Variants in UNC79 observed in about 807,000 individuals in gnomAD.
The protein encoded by UNC79 is protein unc-79 homolog.
UNC79 carries 37 observed loss-of-function variants against 283.1 expected under a neutral mutation model. That is an observed-to-expected ratio of 0.13 (90% CI 0.10 to 0.17). The LOEUF is 0.17. Ranked by LOEUF, UNC79 falls within the 10% of genes least tolerant of loss-of-function variation. The pLI is 1.00. For synonymous variants in UNC79, 1,107 were observed against 1,200.2 expected, an observed-to-expected ratio of 0.92 and a Z score of 1.61; for missense variants, 2,272 against 3,211.1, an observed-to-expected ratio of 0.71 and a Z score of 7.07.
intron 1 of UNC79, among the ~76,000 whole-genome samples, chr14:93,356,026 CTTTTT>C (rs56265512): frequency 1.6e-5 from 2 of 122,520 alleles, no homozygotes; most frequent in East Asian, 2.2e-4. Context: ...TACTAGTGTA[CTTTTT>C]TTTTTTTTTT....
intron 1 of UNC79, among the ~76,000 whole-genome samples, chr14:93,360,084 C>T (rs776027860): frequency 6.6e-6 from 1 of 152,114 alleles, no homozygotes; most frequent in South Asian, 2.1e-4. Context: ...GTCAAACTTA[C>T]AGTGGGTCCA....
At chr14:93,594,430 A>G (rs2064912128) in intron 23 of UNC79, among the ~76,000 whole-genome samples, 1 of 151,992 alleles carries the variant, frequency 6.6e-6, no homozygotes, top group Admixed American at 6.6e-5. Context: ...CTACTACACC[A>G]GGCTAATTTT....
chr14:93,367,223 C>T (rs565421141), intron 1 of UNC79, among the ~76,000 whole-genome samples: 16 of 152,080 alleles, frequency 1.1e-4, no homozygotes, highest in African/African-American at 3.1e-4. Context: ...AATCTAAGGA[C>T]GAGGAAGAAA....
rs1033536491 is a variant in UNC79, at chr14:93,586,713, G to A, written c.2883+38G>A. ...ATGTCTTTGAATACTTGGCTTGGTA[G>A]CATTACTGTTTTGGATAACTTAGTA... is the stretch of plus-strand genomic sequence containing the variant. On this transcript the variant is annotated intron_variant, in intron 21 of 48. Coordinates refer to ENST00000555664, the Ensembl canonical transcript of UNC79. The A allele has an allele frequency of 6.2e-6, 10 of 1,613,128 alleles. No homozygotes were observed. In the African/African-American group the frequency reaches 8.0e-5, roughly 13 times the overall value.
Position 93,467,679 on chromosome 14 carries a change from A to T in UNC79, c.31A>T (p.Lys11Ter). 2.1e-6 allele frequency: 1 copy of T among 473,178 alleles called. No individual in the cohort carries two copies. Among genetic ancestry groups the T allele is most frequent in the Non-Finnish European group, 2.7e-6 (1 of 370,422 alleles). The allele number at this position is 473,178 out of a possible 1,614,324, so 29.3% of individuals were successfully genotyped here. A position where few individuals can be genotyped will look rare whatever the true frequency, so the allele number is the denominator to read the frequency against. Residue 11 changes from lysine (K) to a stop codon, truncating the protein, a stop_gained, in exon 2 of 49, where the codon AAG becomes TAG. Coordinates refer to ENST00000555664, the Ensembl canonical transcript of UNC79. LOFTEE classifies it high-confidence loss of function. The stretch of plus-strand genomic sequence containing the variant: ...TTTTTGCTTTTATCTAGTTGCTTCC[A>T]AGATCCGGTACTTGCAGGAATATCA...
At chr14:93,691,322 C>T (rs373275273) in intron 45 of UNC79, 3 of 201,838 alleles carry the variant, frequency 1.5e-5, no homozygotes, top group East Asian at 1.1e-4. Flanking sequence ...TGATTATGAA[C>T]TTCTGGGCGT....
chr14:93,648,094 C>G (rs2140282991), intron 35 of UNC79, among the ~76,000 whole-genome samples: 1 of 152,254 alleles, frequency 6.6e-6, no homozygotes, highest in South Asian at 2.1e-4. Context: ...CACAGGCAAA[C>G]CATATTACCT....
chr14:93,563,034 G>C (rs369438230), intron 14 of UNC79, among the ~76,000 whole-genome samples: 1 of 152,128 alleles, frequency 6.6e-6, no homozygotes, highest in African/African-American at 2.4e-5. Flanking sequence ...TCTAAGAGAC[G>C]GGCTAGCGGC....
At chr14:93,644,241 C>T (rs1239511267) in intron 34 of UNC79, among the ~76,000 whole-genome samples, 1 of 152,112 alleles carries the variant, frequency 6.6e-6, no homozygotes, top group Non-Finnish European at 1.5e-5. Context: ...AGAGATTACG[C>T]TTAGCTGCTT....
At chr14:93,338,913 A>C (rs1363268915) in intron 1 of UNC79, among the ~76,000 whole-genome samples, 1 of 151,930 alleles carries the variant, frequency 6.6e-6, no homozygotes, top group Non-Finnish European at 1.5e-5. Flanking sequence ...TCTCAAAAAC[A>C]AACAAAAAAA....
chr14:93,466,740 C>A, intron 1 of UNC79: 1 of 541,964 alleles, frequency 1.8e-6, no homozygotes, highest in Non-Finnish European at 2.4e-6. Flanking sequence ...ATTGAAAGGA[C>A]AAATGGACAG....
rs7149647 is a variant in UNC79, at chr14:93,531,900, T to G, written c.1094-650T>G. ...CCTCTGTAAAATGGGGAAATAAGAT[T>G]AAATTTGTTTGGCTTTAACAAGATT... On this transcript the variant is annotated intron_variant, in intron 10 of 48. Coordinates refer to ENST00000555664, the Ensembl canonical transcript of UNC79. This position sits in a 1 kb window ranked among gnomAD's most constrained non-coding sequence, Gnocchi z 4.2. 0.014 allele frequency among the ~76,000 whole-genome samples: 2,111 copies of G among 152,330 alleles called. 23 individuals carry two copies. The highest frequency in any genetic ancestry group is 0.037 in the Middle Eastern group (11 of 294).
intron 1 of UNC79, chr14:93,397,093 T>C (rs1044652253): frequency 1.3e-5 from 2 of 150,674 alleles, no homozygotes; most frequent in Non-Finnish European, 2.9e-5. Flanking sequence ...GTTTTCCACC[T>C]CATCAGGCAG....
chr14:93,677,740 C>T (rs1445549985), intron 41 of UNC79, among the ~76,000 whole-genome samples: 2 of 152,164 alleles, frequency 1.3e-5, no homozygotes, highest in South Asian at 2.1e-4. Flanking sequence ...ACCTCCACCT[C>T]CTGGATTCAA....
At chr14:93,582,899 C>T (rs2063920113) in intron 20 of UNC79, among the ~76,000 whole-genome samples, 1 of 152,026 alleles carries the variant, frequency 6.6e-6, no homozygotes, top group Non-Finnish European at 1.5e-5. Flanking sequence ...CAGGATGTGA[C>T]CCCACGTGCC....
At chr14:93,622,778 C>A in exon 30 of UNC79, 1 of 1,614,156 alleles carries the variant, frequency 6.2e-7, no homozygotes, top group Non-Finnish European at 8.5e-7. Context: ...CAGTGCTATC[C>A]AGAGAGAGTA....
At position 93,425,310 on chromosome 14, in the gene UNC79, G is replaced by A. The variant is rs539697007; in HGVS notation, c.-350-42361G>A. On this transcript the variant is annotated intron_variant, in intron 1 of 49. Coordinates refer to the UNC79 transcript ENST00000256339. The stretch of plus-strand genomic sequence containing the variant: ...CAAGAACAGCAGCATGGGAGTAACC[G>A]CCCCCATGACTGAATTACCTCCCAC... 1.4e-4 allele frequency among the ~76,000 whole-genome samples: 21 copies of A among 152,212 alleles called. No homozygotes were observed. The South Asian group carries it at 3.7e-3, about 27-fold the overall frequency.
At chr14:93,678,467 A>AG (rs1283602032) in intron 41 of UNC79, among the ~76,000 whole-genome samples, 15 of 152,210 alleles carry the variant, frequency 9.9e-5, no homozygotes, top group African/African-American at 3.4e-4. Context: ...TGAGCTCACT[A>AG]AGATGGAACC....
At chr14:93,484,088 C>T (rs1012316719) in intron 4 of UNC79, among the ~76,000 whole-genome samples, 1 of 152,260 alleles carries the variant, frequency 6.6e-6, no homozygotes, top group African/African-American at 2.4e-5. Context: ...GTTCTAGATC[C>T]TTGAGGAACC....
Sources: gnomAD v4.1 joint callset for allele counts (sites outside exome capture counted in the v4.1 genomes callset) on GRCh38, gnomAD v4.1.1 for gene constraint, Gnocchi (gnomAD v3.1) non-coding constraint, MANE v1.5 for transcripts, NCBI Gene and HGNC (gene_info 2026-07-23, HGNC 2026-07-21) for gene names.